The following F8 variants were observed in gnomAD, a reference collection of about 807,000 sequenced individuals.
F8 encodes coagulation factor VIII.
A neutral mutation model predicts 140.6 loss-of-function variants in F8; 12 were observed. The observed-to-expected ratio is 0.09, with a 90% CI of 0.05 to 0.14. F8 has a LOEUF of 0.14. F8 is among the 10% of genes least tolerant of loss of function. The probability of loss-of-function intolerance (pLI) is 1.00; values close to 1 mark genes in which losing one functional copy is unlikely to be tolerated. For missense variants in F8, 1,354 were observed against 1,720.7 expected, an observed-to-expected ratio of 0.79 and a Z score of 3.77; for synonymous variants, 585 against 614.6, an observed-to-expected ratio of 0.95 and a Z score of 0.71.
At chrX:154,920,214 T>C (rs1557277439) in intron 14 of F8, 1 of 101,733 alleles carries the variant, frequency 9.8e-6, no homozygotes, top group Non-Finnish European at 2.0e-5. Flanking sequence ...GCTTTCTTTC[T>C]TTTTTTTTTT....
At chrX:154,996,144 C>G (rs2073616008) in intron 3 of F8, among the ~76,000 whole-genome samples, 1 of 112,105 alleles carries the variant, frequency 8.9e-6, no homozygotes, top group Non-Finnish European at 1.9e-5. Flanking sequence ...CAATGTTGAA[C>G]TACGAATACA....
intron 14 of F8, among the ~76,000 whole-genome samples, chrX:154,923,947 C>G (rs782014113): frequency 2.7e-5 from 3 of 110,918 alleles, no homozygotes; most frequent in Non-Finnish European, 3.8e-5. Context: ...CTCCAGCCTG[C>G]GTGACAGAGC....
intron 1 of F8, among the ~76,000 whole-genome samples, chrX:155,005,459 G>A (rs902844194): frequency 3.7e-5 from 4 of 109,357 alleles, no homozygotes; most frequent in Admixed American, 9.8e-5. Flanking sequence ...TGGGGGGAGG[G>A]ATCTAGAATG....
intron 22 of F8, among the ~76,000 whole-genome samples, chrX:154,876,182 C>T (rs782321610): frequency 2.0e-5 from 2 of 101,998 alleles, no homozygotes; most frequent in Non-Finnish European, 3.9e-5. Flanking sequence ...TGCCGTGGCG[C>T]GATCTCGGCT....
At chrX:154,995,932 C>A (rs1221223489) in intron 3 of F8, among the ~76,000 whole-genome samples, 2 of 110,974 alleles carry the variant, frequency 1.8e-5, no homozygotes, top group East Asian at 5.7e-4. Context: ...GGTTGGTGTC[C>A]CCTCATTGGA....
At chrX:154,936,247 A>G (rs2073224589) in intron 13 of F8, among the ~76,000 whole-genome samples, 1 of 111,962 alleles carries the variant, frequency 8.9e-6, no homozygotes, top group Non-Finnish European at 1.9e-5. Flanking sequence ...CAGTGAAGAT[A>G]TAATTCAAAA....
rs1800291 is a variant in F8, at chrX:154,930,010, G to A, written c.3780C>T (p.Asp1260=). ...STRQNVEGSY[D]GAYAPVLQDF... is the part of the protein sequence containing the mutation. ...CTTGAAGTACTGGAGCATATGCCCC[G>A]TCATATGAACCTTCTACATTTTGCC... is the stretch of plus-strand genomic sequence containing the variant. The change falls in exon 14 of 26, where the codon GAC becomes GAT. Residue 1260 remains aspartate (D), a synonymous_variant. Transcript: ENST00000360256. 110 of 1,207,881 alleles carry A rather than the reference G, an allele frequency of 9.1e-5. 1 individual carries two copies. In the South Asian group the frequency reaches 1.3e-3, roughly 15 times the overall value.
intron 4 of F8, among the ~76,000 whole-genome samples, chrX:154,987,747 C>T (rs1223896398): frequency 9.0e-6 from 1 of 111,720 alleles, no homozygotes; most frequent in Admixed American, 9.5e-5. Context: ...CAATAGCCCA[C>T]AGTGCTTCTA....
chrX:154,930,883 T>C lies in F8; in HGVS notation c.2907A>G (p.Ser969=). 8.3e-7 allele frequency: 1 copy of C among 1,204,844 alleles called. No individual in the cohort carries two copies. Among genetic ancestry groups the C allele is most frequent in the Non-Finnish European group, 1.1e-6 (1 of 892,454 alleles). ...EENNDSKLLE[S]GLMNSQESSW... is the part of the protein sequence containing the mutation. ...AACTTTCTTGGCTATTCATTAAACCTGATTCTAACAACTTTGAATCATTAT... is the reference window on the plus strand; with the variant it reads ...AACTTTCTTGGCTATTCATTAAACCCGATTCTAACAACTTTGAATCATTAT... Residue 969 remains serine, a synonymous_variant, in exon 14 of 26, where the codon TCA becomes TCG. Transcript: ENST00000360256.
At chrX:154,962,626 G>A (rs1353687978) in intron 9 of F8, among the ~76,000 whole-genome samples, 3 of 111,875 alleles carry the variant, frequency 2.7e-5, no homozygotes, top group Non-Finnish European at 5.6e-5. Context: ...AGCACTTTGG[G>A]AGGCTGAGGC....
At chrX:154,976,529 T>G (rs1229406132) in intron 6 of F8, among the ~76,000 whole-genome samples, 1 of 110,564 alleles carries the variant, frequency 9.0e-6, no homozygotes. Flanking sequence ...ACCCACTAAC[T>G]CGTCATCTAG....
At chrX:154,909,414 T>C (rs192844356) in intron 14 of F8, 1 of 116,895 alleles carries the variant, frequency 8.6e-6, no homozygotes, top group Non-Finnish European at 1.8e-5. Flanking sequence ...CAAGGCATGT[T>C]AGCAAGTTGT....
At chrX:154,855,305 C>A (rs1158361920) in intron 25 of F8, among the ~76,000 whole-genome samples, 6 of 111,469 alleles carry the variant, frequency 5.4e-5, no homozygotes, top group Non-Finnish European at 1.1e-4. Context: ...AGGAGGAGCT[C>A]AGGAATTTGA....
At chrX:154,958,731 A>G (rs2073378283) in intron 10 of F8, among the ~76,000 whole-genome samples, 1 of 111,555 alleles carries the variant, frequency 9.0e-6, no homozygotes, top group Non-Finnish European at 1.9e-5. Context: ...CTCCTGCCTC[A>G]GCCTCCTGAG....
rs782815148 is a variant in F8 at position 154,845,935 on chromosome X, T to G, written c.6901-8183A>C. ...GCTTTCTCCTGTGGGCACTTAGTGC[T>G]ATAAATTTTCCTCTACACACTGCTT... is the stretch of plus-strand genomic sequence containing the variant. On this transcript the variant is annotated intron_variant, in intron 25 of 25. Coordinates refer to ENST00000360256, the MANE Select transcript of F8 (RefSeq NM_000132.4). Among the ~76,000 whole-genome samples the G allele has an allele frequency of 3.6e-5, 4 of 112,384 alleles. No homozygotes were observed. In the South Asian group the frequency reaches 1.5e-3, roughly 41 times the overall value.
At chrX:154,900,417 A>G (rs1358190785) in intron 20 of F8, among the ~76,000 whole-genome samples, 1 of 110,514 alleles carries the variant, frequency 9.0e-6, no homozygotes, top group Non-Finnish European at 1.9e-5. Context: ...TATTTTTAGT[A>G]GAGACGGAGT....
chrX:155,021,371 T>A (rs1224175466), intron 1 of F8, among the ~76,000 whole-genome samples: 2 of 111,481 alleles, frequency 1.8e-5, no homozygotes, highest in Non-Finnish European at 3.8e-5. Context: ...CCACATTTAA[T>A]GTTTACACAG....
chrX:154,997,051 C>T lies in F8; in HGVS notation c.310G>A (p.Val104Ile), dbSNP rs2073621440. The T allele has an allele frequency of 1.7e-6, 2 of 1,210,384 alleles. No individual in the cohort carries two copies. The highest frequency in any genetic ancestry group is 2.2e-6 in the Non-Finnish European group (2 of 894,437). Reference protein sequence around the residue: ...TIQAEVYDTVVITLKNMASHP... With the variant: ...TIQAEVYDTVIITLKNMASHP... ...GAAGCCATGTTCTTAAGTGTAATGA[C>T]CACTGTATCATAAACCTCAGCCTGG... Residue 104 changes from valine to isoleucine, a missense_variant, in exon 3 of 26, where the codon GTC becomes ATC. By Grantham distance (29) the Val-to-Ile change is conservative. Coordinates refer to ENST00000360256, the MANE Select transcript of F8 (RefSeq NM_000132.4).
Position 154,929,789 on chromosome X carries a change from A to C in F8, c.4001T>G (p.Leu1334Trp). The C allele has an allele frequency of 8.3e-7, 1 of 1,211,726 alleles. No individual in the cohort carries two copies. Among genetic ancestry groups the C allele is most frequent in the Non-Finnish European group, 1.1e-6 (1 of 895,400 alleles). Residue 1334 changes from leucine to tryptophan, a missense_variant, in exon 14 of 26, where the codon TTG becomes TGG. Physicochemically the swap from Leu to Trp is moderately conservative, Grantham distance 61. Coordinates refer to ENST00000360256, the MANE Select transcript of F8 (RefSeq NM_000132.4). ...TTCTAGTGGGAGTCTGAATTGTTTCAAAGCTCTCTTACTACGTTGCGTGAC... is the reference window on the plus strand; with the variant it reads ...TTCTAGTGGGAGTCTGAATTGTTTCCAAGCTCTCTTACTACGTTGCGTGAC... ...NFVTQRSKRALKQFRLPLEET... is the reference protein window; with the variant it reads ...NFVTQRSKRAWKQFRLPLEET...
Sources: gnomAD v4.1 joint callset for allele counts (sites outside exome capture counted in the v4.1 genomes callset) on GRCh38, gnomAD v4.1.1 for gene constraint, MANE v1.5 for transcripts, NCBI Gene and HGNC (gene_info 2026-07-23, HGNC 2026-07-21) for gene names.